The following CACNA1D variants were observed in gnomAD, a reference collection of about 807,000 sequenced individuals.
CACNA1D encodes calcium voltage-gated channel subunit alpha1 D, also known as voltage-dependent L-type calcium channel subunit alpha-1D.
A neutral mutation model predicts 257.1 loss-of-function variants in CACNA1D; 55 were observed. The observed-to-expected ratio is 0.21, with a 90% confidence interval of 0.17 to 0.27. The LOEUF is 0.27. Among genes scored for constraint, CACNA1D ranks in the 10% least tolerant of loss-of-function variants. The pLI is 1.00. For synonymous variants in CACNA1D, 980 were observed against 1,014.9 expected (o/e 0.97, Z 0.65); for missense variants, 1,876 against 2,784.0 (o/e 0.67, Z 7.34).
intron 3 of CACNA1D, among the ~76,000 whole-genome samples, chr3:53,532,423 A>G (rs3774430): frequency 0.12 from 17,660 of 152,186 alleles, 2,299 homozygotes; most frequent in African/African-American, 0.32. Context: ...TGTTTTTTCT[A>G]TCCCACTGAG....
intron 3 of CACNA1D, among the ~76,000 whole-genome samples, chr3:53,638,002 A>G (rs895102339): frequency 6.6e-6 from 1 of 152,244 alleles, no homozygotes; most frequent in Non-Finnish European, 1.5e-5. Context: ...TCATATATTT[A>G]CTTAGAAAGG....
intron 3 of CACNA1D, among the ~76,000 whole-genome samples, chr3:53,562,361 A>G (rs547251574): frequency 6.6e-6 from 1 of 152,382 alleles, no homozygotes; most frequent in South Asian, 2.1e-4. Context: ...TTGTGTTCAG[A>G]GAACTCTACA....
At chr3:53,712,739 G>A (rs1214198231) in intron 9 of CACNA1D, among the ~76,000 whole-genome samples, 2 of 152,084 alleles carry the variant, frequency 1.3e-5, no homozygotes, top group Admixed American at 1.3e-4. Flanking sequence ...AGAATGAGAA[G>A]CTTTAGGCTG....
chr3:53,794,433 A>T (rs1040408464), intron 40 of CACNA1D, among the ~76,000 whole-genome samples: 2 of 152,168 alleles, frequency 1.3e-5, no homozygotes, highest in African/African-American at 4.8e-5. Context: ...AAGGCAACCC[A>T]TTCAGACGTC....
chr3:53,589,023 C>A (rs1423708236), intron 3 of CACNA1D, among the ~76,000 whole-genome samples: 1 of 152,216 alleles, frequency 6.6e-6, no homozygotes, highest in East Asian at 1.9e-4. Flanking sequence ...ACTTACGCAT[C>A]ACGGCAGATG....
rs780004526 is a variant in CACNA1D at position 53,718,376 on chromosome 3, G to A, written c.1466G>A (p.Cys489Tyr). The A allele has an allele frequency of 1.2e-6, 2 of 1,613,936 alleles. No homozygotes were observed. The highest frequency in any genetic ancestry group is 1.3e-5 in the African/African-American group (1 of 75,050). Residue 489 changes from cysteine (C) to tyrosine (Y), a missense_variant, in exon 10 of 48, where the codon TGT becomes TAT. Physicochemically the swap from Cys to Tyr is radical, Grantham distance 194. Around this residue, in one of 10 missense-constraint regions of CACNA1D, gnomAD observed 257 missense variants for 399.7 expected, o/e 0.64. Coordinates refer to ENST00000350061, the MANE Select transcript of CACNA1D (RefSeq NM_001128840.3). ...GGTGAAGGCGAGAACCGAGGCTGCT[G>A]TGGAAGTCTCTGGTGAGTGTGGGGA... ...VSGEGENRGC[C>Y]GSLCQAISKS...
chr3:53,761,766 A>G (rs879511483), intron 29 of CACNA1D, among the ~76,000 whole-genome samples: 1 of 150,610 alleles, frequency 6.6e-6, no homozygotes, highest in Non-Finnish European at 1.5e-5. Flanking sequence ...GTGTGTGTGT[A>G]TGCACACGTG....
chr3:53,808,893 T>C (rs995898767), intron 46 of CACNA1D, 123 bp downstream of exon 46: 1 of 977,438 alleles, frequency 1.0e-6, no homozygotes, highest in African/African-American at 1.6e-5. Context: ...TCACCTACAG[T>C]CTAGTTAATC....
intron 6 of CACNA1D, 115 bp from the exon 7 acceptor site, chr3:53,666,224 A>G (rs1194235913): frequency 1.1e-6 from 1 of 940,880 alleles, no homozygotes; most frequent in Non-Finnish European, 1.8e-6. Context: ...TCCTGAGGCA[A>G]CGCAGATGGG....
chr3:53,696,712 A>G (rs2094576383), intron 8 of CACNA1D, among the ~76,000 whole-genome samples: 1 of 152,152 alleles, frequency 6.6e-6, no homozygotes, highest in Admixed American at 6.5e-5. Flanking sequence ...GCCCAGGTGG[A>G]TGGAATTCTG....
chr3:53,501,495 T>C (rs1055253208), intron 2 of CACNA1D, 120 bp from the exon 3 acceptor site: 22 of 671,330 alleles, frequency 3.3e-5, no homozygotes, highest in Non-Finnish European at 5.9e-5. Context: ...TCAGCCGAAA[T>C]AGGATTTGTG....
rs1380787054 is a variant in CACNA1D, at chr3:53,793,702, A to G, written c.4924-6547A>G. ...TTGGCTAAGGTTGGTAGCCAAGGCCAGCTTAGGAAAGACAGCCAGGAATCA... is the reference window on the plus strand; with the variant it reads ...TTGGCTAAGGTTGGTAGCCAAGGCCGGCTTAGGAAAGACAGCCAGGAATCA... On this transcript the variant is annotated intron_variant, in intron 40 of 47. Coordinates refer to ENST00000350061, the MANE Select transcript of CACNA1D (RefSeq NM_001128840.3). This position sits in a 1 kb window ranked among gnomAD's most constrained non-coding sequence, Gnocchi z 4.1. Among the ~76,000 whole-genome samples the G allele has an allele frequency of 6.6e-6, 1 of 152,252 alleles. No individual in the cohort carries two copies. The highest frequency in any genetic ancestry group is 1.9e-4 in the East Asian group (1 of 5,198).
chr3:53,712,639 A>G (rs1471135589), intron 9 of CACNA1D, among the ~76,000 whole-genome samples: 2 of 152,114 alleles, frequency 1.3e-5, no homozygotes, highest in Admixed American at 1.3e-4. Flanking sequence ...CATGAGGTCT[A>G]GGTGTCAGGT....
At chr3:53,630,131 G>T (rs1002316402) in intron 3 of CACNA1D, among the ~76,000 whole-genome samples, 2 of 152,210 alleles carry the variant, frequency 1.3e-5, no homozygotes, top group African/African-American at 2.4e-5. Flanking sequence ...TGGAATATAT[G>T]ACTGGACAAT....
intron 16 of CACNA1D, 183 bp from the exon 17 acceptor site, chr3:53,730,894 T>A (rs1165552795): frequency 1.6e-6 from 1 of 614,932 alleles, no homozygotes; most frequent in Non-Finnish European, 2.9e-6. Context: ...GTGTAATGAA[T>A]CCATCGCATT....
intron 4 of CACNA1D, among the ~76,000 whole-genome samples, chr3:53,654,541 G>A (rs1034410894): frequency 1.3e-5 from 2 of 152,170 alleles, no homozygotes. Context: ...CTAGAGTATG[G>A]ATTGGTGAGC....
At chr3:53,792,155 A>G (rs1277924382) in intron 40 of CACNA1D, 1 of 152,222 alleles carries the variant, frequency 6.6e-6, no homozygotes, top group Non-Finnish European at 1.5e-5. Flanking sequence ...ATTGAGAAGG[A>G]AAATTCCCCC....
chr3:53,586,638 A>G (rs1360552138), intron 3 of CACNA1D, among the ~76,000 whole-genome samples: 2 of 152,194 alleles, frequency 1.3e-5, no homozygotes, highest in South Asian at 2.1e-4. Flanking sequence ...GAGAGCTTCA[A>G]ACATTTTAGA....
intron 3 of CACNA1D, among the ~76,000 whole-genome samples, chr3:53,582,919 C>CAA (rs570870266): frequency 1.1e-3 from 172 of 152,284 alleles, no homozygotes; most frequent in African/African-American, 3.9e-3. Context: ...CCACAACTTT[C>CAA]AAAGATCTCT....
Sources: allele counts gnomAD v4.1 joint callset (sites outside exome capture counted in the v4.1 genomes callset), GRCh38; gene constraint gnomAD v4.1.1; regional missense constraint gnomAD v4.1.1; non-coding constraint Gnocchi (gnomAD v3.1); transcripts MANE v1.5; gene names NCBI Gene and HGNC (gene_info 2026-07-23, HGNC 2026-07-21).